Variants in ARHGAP24 observed in about 807,000 individuals in gnomAD.
The protein encoded by ARHGAP24 is Rho GTPase activating protein 24.
A neutral mutation model predicts 76.4 loss-of-function variants in ARHGAP24; 50 were observed. That is an observed-to-expected ratio of 0.65 (90% CI 0.52 to 0.83). The LOEUF is 0.83. ARHGAP24 is among the 40% of genes least tolerant of loss of function. The pLI is 0.00. For synonymous variants in ARHGAP24, 345 were observed against 323.3 expected (o/e 1.07, Z -0.72); for missense variants, 930 against 914.2 (o/e 1.02, Z -0.22).
chr4:85,837,855 T>G (rs764439566), intron 3 of ARHGAP24, among the ~76,000 whole-genome samples: 2 of 152,196 alleles, frequency 1.3e-5, no homozygotes, highest in Non-Finnish European at 2.9e-5. Flanking sequence ...TTTAACATTT[T>G]TATCATCTTC....
At chr4:85,563,121 GAAATACAA>G (rs1726665932) in intron 1 of ARHGAP24, among the ~76,000 whole-genome samples, 1 of 152,184 alleles carries the variant, frequency 6.6e-6, no homozygotes, top group South Asian at 2.1e-4. Context: ...AGCACAGACT[GAAATACAA>G]AGTTCCCTAT....
At chr4:85,890,989 G>A (rs1158200645) in intron 3 of ARHGAP24, among the ~76,000 whole-genome samples, 4 of 152,082 alleles carry the variant, frequency 2.6e-5, no homozygotes, top group Non-Finnish European at 4.4e-5. Context: ...GTGAGATTGC[G>A]ATGGATGATA....
At chr4:85,897,213 T>A (rs1028153476) in intron 3 of ARHGAP24, among the ~76,000 whole-genome samples, 1 of 152,170 alleles carries the variant, frequency 6.6e-6, no homozygotes, top group Non-Finnish European at 1.5e-5. Flanking sequence ...TTTGCCTCAA[T>A]GCTGGTGTGA....
At chr4:85,848,988 T>G (rs1290464783) in intron 3 of ARHGAP24, among the ~76,000 whole-genome samples, 10 of 151,602 alleles carry the variant, frequency 6.6e-5, no homozygotes, top group Non-Finnish European at 7.4e-5. Context: ...GTGAAGAAAG[T>G]CATTGGTAGC....
intron 3 of ARHGAP24, among the ~76,000 whole-genome samples, chr4:85,798,896 A>G (rs1728470365): frequency 6.6e-6 from 1 of 152,224 alleles, no homozygotes; most frequent in Non-Finnish European, 1.5e-5. Context: ...ATGGGTGCTT[A>G]CACTATTCTA....
Position 85,995,352 on chromosome 4 carries a change from G to A in ARHGAP24, c.1698G>A (p.Glu566=). 6.2e-7 allele frequency: 1 copy of A among 1,614,032 alleles called. No individual in the cohort carries two copies. The highest frequency in any genetic ancestry group is 8.5e-7 in the Non-Finnish European group (1 of 1,180,012). ...STSSCEISLP[E]NSNSCRSSTT... ...CCTCCTGTGAAATCTCCCTCCCTGA[G>A]AACTCCAACTCCTGTCGCTCTTCTA... is the stretch of plus-strand genomic sequence containing the variant. The change falls in exon 9 of 10, where the codon GAG becomes GAA. Residue 566 remains glutamate (E), a synonymous_variant. Coordinates refer to ENST00000395184, the MANE Select transcript of ARHGAP24 (RefSeq NM_001025616.3).
rs562831696 is a variant in ARHGAP24 at position 85,607,688 on chromosome 4, T to C, written c.180+36967T>C. On this transcript the variant is annotated intron_variant, in intron 2 of 9. Transcript: ENST00000395184. ...GCATTATTTTCTTTTCTTTTCTTTT[T>C]TTTTTTTTTAAGAAACTTGGCACGG... 3.4e-3 allele frequency among the ~76,000 whole-genome samples: 493 copies of C among 144,630 alleles called. 8 individuals carry two copies. Among genetic ancestry groups the C allele is most frequent in the Middle Eastern group, 3.6e-3 (1 of 276 alleles). 94.9% of individuals were successfully genotyped at this position (144,630 alleles called of 152,430 possible).
At chr4:85,942,459 C>T (rs1020447893) in intron 5 of ARHGAP24, 186 bp downstream of exon 5, 2 of 622,350 alleles carry the variant, frequency 3.2e-6, no homozygotes, top group East Asian at 2.8e-5. Flanking sequence ...CCTTAGATAT[C>T]TTTCTCTTCC....
chr4:85,683,124 G>GGA (rs1553922575), intron 2 of ARHGAP24, among the ~76,000 whole-genome samples: 1 of 110,046 alleles, frequency 9.1e-6, no homozygotes, highest in Non-Finnish European at 1.9e-5. Context: ...GGGTGGGGGG[G>GGA]GGGTGCGGGG....
intron 3 of ARHGAP24, among the ~76,000 whole-genome samples, chr4:85,841,894 ATGTACCAGCCACTGGT>A (rs1157409685): frequency 6.6e-6 from 1 of 152,206 alleles, no homozygotes; most frequent in African/African-American, 2.4e-5. Context: ...AATAGAGTTT[ATGTACCAGCCACTGGT>A]TGTACCAGCC....
At position 85,624,426 on chromosome 4, in the gene ARHGAP24, G is replaced by T. The variant is rs1578087391; in HGVS notation, c.180+53705G>T. Among the ~76,000 whole-genome samples the T allele has an allele frequency of 2.0e-5, 3 of 152,260 alleles. No individual in the cohort carries two copies. In the South Asian group the frequency reaches 6.2e-4, roughly 32 times the overall value. On this transcript the variant is annotated intron_variant, in intron 2 of 9. Coordinates refer to ENST00000395184, the MANE Select transcript of ARHGAP24 (RefSeq NM_001025616.3). ...TATGTTGAACCAGCCTTGCATCCCA[G>T]GGATGAAGCCCACTTGATTATGGTG...
chr4:85,490,238 G>A (rs977847679), intron 1 of ARHGAP24, among the ~76,000 whole-genome samples: 8 of 152,092 alleles, frequency 5.3e-5, no homozygotes, highest in Non-Finnish European at 7.4e-5. Flanking sequence ...TTTTTGTCAA[G>A]GTAGTTAGGG....
chr4:85,490,905 A>G (rs1723328181), intron 1 of ARHGAP24, among the ~76,000 whole-genome samples: 1 of 152,252 alleles, frequency 6.6e-6, no homozygotes, highest in Non-Finnish European at 1.5e-5. Context: ...ATATAATTCC[A>G]AATATCTCAG....
intron 2 of ARHGAP24, among the ~76,000 whole-genome samples, chr4:85,580,034 C>T (rs1727543166): frequency 6.6e-6 from 1 of 152,072 alleles, no homozygotes; most frequent in African/African-American, 2.4e-5. Context: ...CTATGCCGAT[C>T]ATTTTTATTC....
intron 3 of ARHGAP24, among the ~76,000 whole-genome samples, chr4:85,874,857 AT>A (rs1352671032): frequency 5.8e-4 from 61 of 105,100 alleles, no homozygotes; most frequent in African/African-American, 1.9e-3. Flanking sequence ...TAATTTATAT[AT>A]AAATATATTT....
At chr4:85,626,470 A>C (rs189383541) in intron 2 of ARHGAP24, among the ~76,000 whole-genome samples, 1 of 133,574 alleles carries the variant, frequency 7.5e-6, no homozygotes, top group Non-Finnish European at 1.6e-5. Flanking sequence ...CCCTTTGTGG[A>C]TAACCCGACC....
intron 2 of ARHGAP24, among the ~76,000 whole-genome samples, chr4:85,614,421 T>C (rs1206270759): frequency 6.6e-6 from 1 of 151,972 alleles, no homozygotes; most frequent in Non-Finnish European, 1.5e-5. Flanking sequence ...GGGAAAGAAG[T>C]CAGAGATCGC....
At chr4:85,609,648 G>C (rs531818072) in intron 2 of ARHGAP24, among the ~76,000 whole-genome samples, 7 of 152,174 alleles carry the variant, frequency 4.6e-5, no homozygotes, top group African/African-American at 1.7e-4. Context: ...GCAACTCCAT[G>C]CATTCCTTCA....
chr4:85,898,300 C>T (rs17410566), intron 3 of ARHGAP24, among the ~76,000 whole-genome samples: 11,504 of 152,076 alleles, frequency 0.076, 608 homozygotes, highest in Non-Finnish European at 0.12. Flanking sequence ...AAAGGAGTTT[C>T]AGCGACTTCC....
Sources: gnomAD v4.1 joint callset for allele counts (sites outside exome capture counted in the v4.1 genomes callset) on GRCh38, gnomAD v4.1.1 for gene constraint, MANE v1.5 for transcripts, NCBI Gene and HGNC (gene_info 2026-07-23, HGNC 2026-07-21) for gene names.